Variants in ABTB3 observed in about 807,000 individuals in gnomAD.
ABTB3 encodes the protein ankyrin repeat- and BTB/POZ domain-containing protein 3.
At chr12:107,375,111 G>A in the ABTB3 span, among the ~76,000 whole-genome samples, 2 of 152,144 alleles carry the variant, frequency 1.3e-5, no homozygotes, top group South Asian at 2.1e-4. Context: ...AAGTGTTAGG[G>A]GTTCCCTTTA....
the ABTB3 span, among the ~76,000 whole-genome samples, chr12:107,515,015 C>T: frequency 6.6e-6 from 1 of 152,162 alleles, no homozygotes; most frequent in African/African-American, 2.4e-5. Flanking sequence ...GATCTCATTT[C>T]GCTCTCATAC....
At chr12:107,473,182 A>G in the ABTB3 span, among the ~76,000 whole-genome samples, 1 of 152,154 alleles carries the variant, frequency 6.6e-6, no homozygotes, top group Admixed American at 6.5e-5. Flanking sequence ...ACATACAGAA[A>G]GTGCACACAT....
chr12:107,617,445 G>A, the ABTB3 span: 5 of 1,613,740 alleles, frequency 3.1e-6, no homozygotes, highest in Non-Finnish European at 4.2e-6. Flanking sequence ...AGGTAGGCTA[G>A]GATGGGCCAA....
At chr12:107,445,400 G>A in the ABTB3 span, among the ~76,000 whole-genome samples, 9,832 of 152,212 alleles carry the variant, frequency 0.065, 991 homozygotes, top group African/African-American at 0.22. Context: ...TGAGTAATGC[G>A]GAAATAGCGC....
the ABTB3 span, among the ~76,000 whole-genome samples, chr12:107,426,151 T>A: frequency 1.3e-5 from 2 of 152,204 alleles, no homozygotes; most frequent in East Asian, 3.9e-4. Context: ...TCTCTCCAAT[T>A]TTGTGCCATC....
the ABTB3 span, among the ~76,000 whole-genome samples, chr12:107,412,433 G>A: frequency 6.6e-6 from 1 of 152,196 alleles, no homozygotes; most frequent in South Asian, 2.1e-4. Flanking sequence ...GCGAAGGGGA[G>A]CCATTTGTGC....
At chr12:107,391,604 T>G in the ABTB3 span, among the ~76,000 whole-genome samples, 1 of 152,218 alleles carries the variant, frequency 6.6e-6, no homozygotes, top group Non-Finnish European at 1.5e-5. Flanking sequence ...AGAGCACACA[T>G]GTGGACCCCA....
chr12:107,427,269 C>G, the ABTB3 span, among the ~76,000 whole-genome samples: 1 of 151,582 alleles, frequency 6.6e-6, no homozygotes, highest in Non-Finnish European at 1.5e-5. Context: ...GACTTCTGAC[C>G]CTCCTGTGTC....
chr12:107,625,772 G>A, the ABTB3 span, among the ~76,000 whole-genome samples: 24 of 151,866 alleles, frequency 1.6e-4, 1 homozygote, highest in African/African-American at 5.8e-4. Flanking sequence ...AGGGGGTGGG[G>A]GCAATACTCT....
the ABTB3 span, among the ~76,000 whole-genome samples, chr12:107,463,481 T>C: frequency 2.0e-5 from 3 of 152,146 alleles, no homozygotes; most frequent in Non-Finnish European, 2.9e-5. Context: ...AAACTCCCTA[T>C]GGGGTAGGTT....
the ABTB3 span, among the ~76,000 whole-genome samples, chr12:107,645,141 AT>A: frequency 6.6e-6 from 1 of 151,788 alleles, no homozygotes; most frequent in African/African-American, 2.4e-5. Context: ...TTCTTTTTGT[AT>A]TTTTAGTAGA....
the ABTB3 span, among the ~76,000 whole-genome samples, chr12:107,322,886 C>T: frequency 6.6e-6 from 1 of 152,246 alleles, no homozygotes; most frequent in African/African-American, 2.4e-5. Flanking sequence ...ATTACCCACA[C>T]AGGTGAACAG....
chr12:107,329,061 C>T, the ABTB3 span, among the ~76,000 whole-genome samples: 1 of 152,166 alleles, frequency 6.6e-6, no homozygotes, highest in Non-Finnish European at 1.5e-5. Flanking sequence ...TTTATCGTCT[C>T]CAGGGACAGC....
At chr12:107,405,206 G>A in the ABTB3 span, among the ~76,000 whole-genome samples, 24,768 of 152,148 alleles carry the variant, frequency 0.16, 3,960 homozygotes, top group East Asian at 0.42. Context: ...ACTAGTCACT[G>A]TGAAGGCTAT....
At chr12:107,415,403 C>T in the ABTB3 span, among the ~76,000 whole-genome samples, 5 of 152,124 alleles carry the variant, frequency 3.3e-5, no homozygotes, top group Non-Finnish European at 7.4e-5. Context: ...GCGTTAACTA[C>T]TTTTTGGATA....
the ABTB3 span, among the ~76,000 whole-genome samples, chr12:107,586,921 G>C: frequency 6.6e-6 from 1 of 152,212 alleles, no homozygotes; most frequent in African/African-American, 2.4e-5. Flanking sequence ...GGTGCCATTT[G>C]ATTGAAATCC....
the ABTB3 span, among the ~76,000 whole-genome samples, chr12:107,401,052 C>G: frequency 3.7e-3 from 565 of 152,310 alleles, 6 homozygotes; most frequent in South Asian, 0.023. Flanking sequence ...CACGTAGTAC[C>G]AAGACTTGTC....
At chr12:107,414,344 C>T in the ABTB3 span, among the ~76,000 whole-genome samples, 20,537 of 152,124 alleles carry the variant, frequency 0.14, 1,847 homozygotes, top group Admixed American at 0.25. Context: ...AAATATCAAT[C>T]AGCTCCTGTC....
chr12:107,376,793 C>T, the ABTB3 span, among the ~76,000 whole-genome samples: 1 of 152,092 alleles, frequency 6.6e-6, no homozygotes, highest in Non-Finnish European at 1.5e-5. Flanking sequence ...ATGCCAGGTA[C>T]ACATGCTGTT....
Sources: allele counts gnomAD v4.1 joint callset (sites outside exome capture counted in the v4.1 genomes callset), GRCh38; gene constraint gnomAD v4.1.1; transcripts MANE v1.5; gene names NCBI Gene and HGNC (gene_info 2026-07-23, HGNC 2026-07-21).